GATM: variants seen among roughly 807,000 people sequenced by gnomAD.
The protein encoded by GATM is glycine amidinotransferase, mitochondrial.
GATM carries 23 observed loss-of-function variants against 54.2 expected under a neutral mutation model. That is an observed-to-expected ratio of 0.42 (90% CI 0.31 to 0.60). The LOEUF (loss-of-function observed/expected upper bound fraction) is 0.60, where lower values mean the gene tolerates loss of function less well. GATM is among the 20% of genes least tolerant of loss of function. The pLI, the probability that GATM is intolerant of heterozygous loss-of-function variation, is 0.14. For missense variants in GATM, 401 were observed against 544.9 expected (o/e 0.74, Z 2.63); for synonymous variants, 168 against 183.1 (o/e 0.92, Z 0.67).
intron 3 of GATM, among the ~76,000 whole-genome samples, chr15:45,387,403 TTGACTC>T (rs1431262294): frequency 6.6e-6 from 1 of 152,194 alleles, no homozygotes; most frequent in Non-Finnish European, 1.5e-5. Flanking sequence ...TAATCCCTCA[TTGACTC>T]TGATTAGATC....
chr15:45,368,681 A>G lies in GATM; in HGVS notation c.485-421T>C, dbSNP rs1566840658. Among the ~76,000 whole-genome samples the G allele has an allele frequency of 6.6e-6, 1 of 151,822 alleles. No homozygotes were observed. The highest frequency in any genetic ancestry group is 6.6e-5 in the Admixed American group (1 of 15,196). ...TGGTTAAAAAAATTGCTAGAAATAC[A>G]TGTGTGTATATATATATGAAAATAG... On this transcript the variant is annotated intron_variant, in intron 3 of 8. Transcript: ENST00000396659. This position sits in a 1 kb window ranked among gnomAD's most constrained non-coding sequence, Gnocchi z 5.1.
intron 2 of GATM, among the ~76,000 whole-genome samples, chr15:45,397,698 G>A (rs765752364): frequency 6.6e-6 from 1 of 152,192 alleles, no homozygotes; most frequent in Non-Finnish European, 1.5e-5. Context: ...TAGAACCTAA[G>A]AAGGGGGTCA....
intron 2 of GATM, among the ~76,000 whole-genome samples, chr15:45,372,270 T>G (rs140342636): frequency 1.7e-4 from 26 of 152,342 alleles, no homozygotes; most frequent in African/African-American, 6.3e-4. Context: ...CCTAAATTAC[T>G]TATTATCTGG....
intron 1 of GATM, chr15:45,377,424 G>T: frequency 2.7e-6 from 1 of 377,352 alleles, no homozygotes. Flanking sequence ...ACTGCCATCT[G>T]CTCCATTTTA....
chr15:45,385,917 C>A (rs1274621675), intron 3 of GATM, among the ~76,000 whole-genome samples: 1 of 152,202 alleles, frequency 6.6e-6, no homozygotes, highest in Non-Finnish European at 1.5e-5. Flanking sequence ...TTGTCTTTGT[C>A]CTGTCATTTC....
intron 2 of GATM, among the ~76,000 whole-genome samples, chr15:45,374,147 A>T (rs1380973762): frequency 6.6e-6 from 1 of 152,190 alleles, no homozygotes; most frequent in Non-Finnish European, 1.5e-5. Context: ...TGGCCCAGAA[A>T]TTTGTGGAAT....
In GATM at chr15:45,366,431, T is replaced by C; in HGVS notation, c.753A>G (p.Pro251=). 1 of 1,614,196 alleles carries C rather than the reference T, an allele frequency of 6.2e-7. No homozygotes were observed. Among genetic ancestry groups the C allele is most frequent in the Non-Finnish European group, 8.5e-7 (1 of 1,180,032 alleles). Residue 251 remains proline (P), a synonymous_variant, in exon 5 of 9, where the codon CCA becomes CCG. Coordinates refer to ENST00000396659, the MANE Select transcript of GATM (RefSeq NM_001482.3). ...GAATGAAGTCAGCAGCATCAAAGCA[T>C]GGCTCAAACTCAGTTGTCACAAATT... ...QGKFVTTEFE[P]CFDAADFIRA...
At chr15:45,362,638 A>G (rs1889382214) in intron 8 of GATM, among the ~76,000 whole-genome samples, 1 of 152,234 alleles carries the variant, frequency 6.6e-6, no homozygotes, top group South Asian at 2.1e-4. Context: ...ATATTCACAT[A>G]TAAGGAGAGT....
Position 45,364,879 on chromosome 15 carries a change from C to G in GATM, c.979-19G>C. 2 of 1,603,368 alleles carry G rather than the reference C, an allele frequency of 1.2e-6. No homozygotes were observed. The highest frequency in any genetic ancestry group is 4.5e-5 in the East Asian group (2 of 44,800). ...GATCAATCTGTAAGACCAAAAAAAA[C>G]CCCCAAAACCGTTAAATCTACATAT... On this transcript the variant is annotated intron_variant, in intron 6 of 8. Coordinates refer to ENST00000396659, the MANE Select transcript of GATM (RefSeq NM_001482.3).
rs1236338745 is a variant in GATM at position 45,369,441 on chromosome 15, A to G, written c.369T>C (p.Ala123=). 2 of 1,614,048 alleles carry G rather than the reference A, an allele frequency of 1.2e-6. No individual in the cohort carries two copies. Among genetic ancestry groups the G allele is most frequent in the South Asian group, 2.2e-5 (2 of 91,088 alleles). Residue 123 remains alanine, a synonymous_variant, in exon 3 of 9, where the codon GCT becomes GCC. Transcript: ENST00000396659. ...TGCACATTTCTTCAATTTCAGCAACAGCCTTTTTCAAATGATCTTTGGGAA... is the reference window on the plus strand; with the variant it reads ...TGCACATTTCTTCAATTTCAGCAACGGCCTTTTTCAAATGATCTTTGGGAA... ...HYFPKDHLKK[A]VAEIEEMCNI...
chr15:45,375,869 G>A (rs1025653446), intron 2 of GATM, among the ~76,000 whole-genome samples: 17 of 152,102 alleles, frequency 1.1e-4, no homozygotes, highest in Admixed American at 5.9e-4. Context: ...AAATCACTTG[G>A]ATTGCAGCTG....
At chr15:45,363,676 T>C in intron 8 of GATM, 1 of 588,430 alleles carries the variant, frequency 1.7e-6, no homozygotes, top group East Asian at 2.8e-5. Flanking sequence ...ATAAACTTAT[T>C]GTTAAGGGGA....
intron 2 of GATM, among the ~76,000 whole-genome samples, chr15:45,370,305 G>C (rs1198218303): frequency 2.0e-5 from 3 of 151,752 alleles, no homozygotes; most frequent in African/African-American, 7.3e-5. Flanking sequence ...GAACCCAGGA[G>C]GCAGAGGTTG....
At position 45,376,304 on chromosome 15, in the gene GATM, T is replaced by C. The variant is rs866679168; in HGVS notation, c.288+297A>G. Among the ~76,000 whole-genome samples the C allele has an allele frequency of 3.3e-5, 5 of 152,162 alleles. No homozygotes were observed. In the South Asian group the frequency reaches 1.0e-3, roughly 32 times the overall value. On this transcript the variant is annotated intron_variant, in intron 2 of 8. Coordinates refer to ENST00000396659, the MANE Select transcript of GATM (RefSeq NM_001482.3). Reference sequence around the variant, plus strand: ...TAAGAGAAGGGGGCTGAAAGTAATATTCTGTTCAACCTTGCCATTACAGGC... The same window carrying C: ...TAAGAGAAGGGGGCTGAAAGTAATACTCTGTTCAACCTTGCCATTACAGGC...
chr15:45,366,547 T>G (rs1463330051), intron 4 of GATM, 39 bp from the exon 5 acceptor site: 1 of 1,611,442 alleles, frequency 6.2e-7, no homozygotes, highest in East Asian at 2.2e-5. Context: ...ATGCACTGGA[T>G]CATGAGAAAA....
chr15:45,362,235 G>C lies in GATM; in HGVS notation c.1160-14C>G. Reference sequence around the variant, plus strand: ...TGGTAGTGATACCTGCATTGAAAGAGAGATGAGGTCAGTTAGATGGACTAA... The same window carrying C: ...TGGTAGTGATACCTGCATTGAAAGACAGATGAGGTCAGTTAGATGGACTAA... On this transcript the variant is annotated splice_polypyrimidine_tract_variant and intron_variant, in intron 8 of 8. Transcript: ENST00000396659. The C allele has an allele frequency of 6.8e-7, 1 of 1,474,202 alleles. No homozygotes were observed. Among genetic ancestry groups the C allele is most frequent in the Non-Finnish European group, 9.5e-7 (1 of 1,052,762 alleles). The allele number at this position is 1,474,202 out of a possible 1,614,324, so 91.3% of individuals were successfully genotyped here. A position where few individuals can be genotyped will look rare whatever the true frequency, so the allele number is the denominator to read the frequency against.
At chr15:45,377,332 GA>G (rs1452357346) in intron 1 of GATM, 29 of 430,746 alleles carry the variant, frequency 6.7e-5, no homozygotes, top group Admixed American at 4.9e-4. Context: ...TTATCTTTCA[GA>G]ATAACCAGCT....
chr15:45,377,338 C>A (rs1424358481), intron 1 of GATM: 6 of 428,274 alleles, frequency 1.4e-5, no homozygotes, highest in Non-Finnish European at 2.3e-5. Flanking sequence ...TTCAGAATAA[C>A]CAGCTTCAAA....
At position 45,386,282 on chromosome 15, in the gene GATM, G is replaced by A. The variant is rs756357958; in HGVS notation, c.-318-9463C>T. Among the ~76,000 whole-genome samples the A allele has an allele frequency of 3.2e-4, 49 of 152,186 alleles. 1 individual carries two copies. Among genetic ancestry groups the A allele is most frequent in the Non-Finnish European group, 1.8e-4 (12 of 68,040 alleles). Reference sequence around the variant, plus strand: ...AAATTTAAATAGTGACAATCTTTGCGTGGAGATGTAATGGGTAACCTTTAT... The same window carrying A: ...AAATTTAAATAGTGACAATCTTTGCATGGAGATGTAATGGGTAACCTTTAT... On this transcript the variant is annotated intron_variant, in intron 3 of 4. Transcript: ENST00000561148.
Sources: gnomAD v4.1 joint callset for allele counts (sites outside exome capture counted in the v4.1 genomes callset) on GRCh38, gnomAD v4.1.1 for gene constraint, Gnocchi (gnomAD v3.1) non-coding constraint, MANE v1.5 for transcripts, NCBI Gene and HGNC (gene_info 2026-07-23, HGNC 2026-07-21) for gene names.